Variants in DOCK9 observed in about 807,000 individuals in gnomAD.
The protein encoded by DOCK9 is dedicator of cytokinesis protein 9.
In DOCK9, 89 loss-of-function variants were observed where a neutral mutation model predicts 263.3. The ratio of observed to expected loss-of-function variants is 0.34; its 90% CI spans 0.28 to 0.40. DOCK9 has a LOEUF of 0.40. DOCK9 is among the 10% of genes least tolerant of loss of function. The pLI, the probability that DOCK9 is intolerant of heterozygous loss-of-function variation, is 1.00. For missense variants in DOCK9, 2,140 were observed against 2,603.4 expected, an observed-to-expected ratio of 0.82 and a Z score of 3.87; for synonymous variants, 976 against 973.1, an observed-to-expected ratio of 1.00 and a Z score of -0.06.
At chr13:98,888,330 C>G in intron 17 of DOCK9, 30 bp downstream of exon 17, 1 of 1,607,618 alleles carries the variant, frequency 6.2e-7, no homozygotes. Flanking sequence ...GGTTTGACAT[C>G]AAGAATGAAA....
chr13:99,015,465 T>C (rs1157828957), intron 1 of DOCK9: 5 of 1,595,792 alleles, frequency 3.1e-6, no homozygotes, highest in African/African-American at 1.3e-5. Context: ...AGGAGATCAA[T>C]AGTTCTGAAT....
At chr13:98,804,668 T>C (rs2090485832) in intron 49 of DOCK9, among the ~76,000 whole-genome samples, 2 of 152,214 alleles carry the variant, frequency 1.3e-5, no homozygotes, top group Admixed American at 1.3e-4. Flanking sequence ...GTGTGGCTGC[T>C]GGACCTGGAG....
chr13:99,068,459 C>T (rs2142349804), intron 1 of DOCK9, among the ~76,000 whole-genome samples: 1 of 152,266 alleles, frequency 6.6e-6, no homozygotes, highest in Admixed American at 6.5e-5. Context: ...GTGGTGGGCG[C>T]CTGTAATCCC....
At chr13:98,941,908 T>C (rs1595511250) in intron 2 of DOCK9, among the ~76,000 whole-genome samples, 1 of 152,372 alleles carries the variant, frequency 6.6e-6, no homozygotes, top group East Asian at 1.9e-4. Context: ...GGATGGTAGT[T>C]ATCTCTTTGG....
At chr13:99,056,947 T>A (rs1468294468) in intron 1 of DOCK9, among the ~76,000 whole-genome samples, 1 of 152,172 alleles carries the variant, frequency 6.6e-6, no homozygotes, top group Non-Finnish European at 1.5e-5. Context: ...CCAATGTGGA[T>A]CACCTCCCTG....
intron 30 of DOCK9, 41 bp downstream of exon 30, chr13:98,867,384 C>T: frequency 9.3e-7 from 1 of 1,077,964 alleles, no homozygotes. Flanking sequence ...AAATAAATGT[C>T]TCTGTTTGTG....
At chr13:98,843,766 T>TGGC (rs559244517) in intron 38 of DOCK9, among the ~76,000 whole-genome samples, 2 of 152,238 alleles carry the variant, frequency 1.3e-5, no homozygotes, top group South Asian at 4.1e-4. Context: ...AGATGGCTTT[T>TGGC]GGCAGCAGCA....
At chr13:99,002,027 C>T (rs1882438016) in intron 1 of DOCK9, among the ~76,000 whole-genome samples, 1 of 152,204 alleles carries the variant, frequency 6.6e-6, no homozygotes, top group African/African-American at 2.4e-5. Flanking sequence ...GCGCTTGCAT[C>T]TGATCAAGGG....
At chr13:98,797,526 A>G (rs769614632) in intron 50 of DOCK9, 37 bp from the exon 51 acceptor site, 19 of 1,543,120 alleles carry the variant, frequency 1.2e-5, no homozygotes, top group Non-Finnish European at 1.6e-5. Flanking sequence ...TCCACTAGGA[A>G]GAAAATCACC....
intron 1 of DOCK9, among the ~76,000 whole-genome samples, chr13:99,004,907 T>A (rs1397789204): frequency 6.6e-6 from 1 of 152,052 alleles, no homozygotes; most frequent in East Asian, 1.9e-4. Context: ...TTAATTATCC[T>A]TAGAATTTGT....
At chr13:99,052,030 G>GC (rs767348531) in intron 1 of DOCK9, among the ~76,000 whole-genome samples, 13 of 152,176 alleles carry the variant, frequency 8.5e-5, no homozygotes, top group Non-Finnish European at 1.6e-4. Context: ...CTGATATTCA[G>GC]CCAAGTACCA....
chr13:98,828,787 G>T (rs1209978681), intron 43 of DOCK9, among the ~76,000 whole-genome samples: 2 of 152,126 alleles, frequency 1.3e-5, no homozygotes, highest in Non-Finnish European at 2.9e-5. Context: ...GTTAATATTG[G>T]ATCTTGGATT....
chr13:98,908,784 A>G (rs2049525292), intron 9 of DOCK9, among the ~76,000 whole-genome samples: 1 of 152,252 alleles, frequency 6.6e-6, no homozygotes, highest in Non-Finnish European at 1.5e-5. Context: ...GATGAAGGGA[A>G]AAGGTGAACT....
chr13:98,856,888 G>A (rs2093719692), intron 33 of DOCK9: 1 of 152,242 alleles, frequency 6.6e-6, no homozygotes, highest in East Asian at 1.9e-4. Context: ...AGGGTGCTGT[G>A]AACGGGGAAT....
chr13:98,923,730 G>T (rs1329684513), intron 4 of DOCK9, among the ~76,000 whole-genome samples: 1 of 152,148 alleles, frequency 6.6e-6, no homozygotes, highest in Admixed American at 6.5e-5. Flanking sequence ...CGTTGAAACC[G>T]ATTAACAATG....
intron 2 of DOCK9, among the ~76,000 whole-genome samples, chr13:98,940,382 C>T (rs1388083865): frequency 3.3e-5 from 5 of 152,132 alleles, no homozygotes; most frequent in Admixed American, 2.6e-4. Flanking sequence ...ACATTTAAAA[C>T]ATTACAAGGG....
chr13:98,985,320 C>T (rs1236654131), intron 1 of DOCK9, among the ~76,000 whole-genome samples: 1 of 150,726 alleles, frequency 6.6e-6, no homozygotes, highest in African/African-American at 2.4e-5. Flanking sequence ...TCCCCCATTT[C>T]CCGGCCTTCA....
intron 2 of DOCK9, among the ~76,000 whole-genome samples, chr13:98,954,218 A>C (rs2057765485): frequency 6.6e-6 from 1 of 152,082 alleles, no homozygotes; most frequent in Non-Finnish European, 1.5e-5. Context: ...CACTTTTGGA[A>C]TCAAACAACA....
intron 1 of DOCK9, among the ~76,000 whole-genome samples, chr13:99,049,583 T>C (rs2040593503): frequency 6.6e-6 from 1 of 152,110 alleles, no homozygotes; most frequent in African/African-American, 2.4e-5. Context: ...AAAAGCACAA[T>C]CATGGCTCGC....
Sources: gnomAD v4.1 joint callset for allele counts (sites outside exome capture counted in the v4.1 genomes callset) on GRCh38, gnomAD v4.1.1 for gene constraint, MANE v1.5 for transcripts, NCBI Gene and HGNC (gene_info 2026-07-23, HGNC 2026-07-21) for gene names.